KCTD17: variants seen among roughly 807,000 people sequenced by gnomAD.
KCTD17 encodes the protein potassium channel tetramerization domain containing 17, also known as BTB/POZ domain-containing protein KCTD17.
KCTD17 carries 20 observed loss-of-function variants against 41.5 expected under a neutral mutation model. The observed-to-expected ratio is 0.48, with a 90% CI of 0.34 to 0.70. The LOEUF (loss-of-function observed/expected upper bound fraction) is 0.70. Ranked by LOEUF, KCTD17 falls within the 30% of genes least tolerant of loss-of-function variation. The pLI is 0.01. For synonymous variants in KCTD17, 156 were observed against 173.8 expected, an observed-to-expected ratio of 0.90 and a Z score of 0.80; for missense variants, 317 against 427.2, an observed-to-expected ratio of 0.74 and a Z score of 2.27.
rs1924677580 is a variant in KCTD17 at position 37,053,050 on chromosome 22, C to T, written c.190-50C>T. On this transcript the variant is annotated intron_variant, in intron 1 of 8. Transcript: ENST00000403888. This position sits in a 1 kb window ranked among gnomAD's most constrained non-coding sequence, Gnocchi z 4.1. ...CCTCCCTGTGCGTGTGCGGGGTTGG[C>T]TGGGGAGAAGCCTCACTCTTCTCTC... 1 of 1,427,638 alleles carries T rather than the reference C, an allele frequency of 7.0e-7. No individual in the cohort carries two copies. The highest frequency in any genetic ancestry group is 1.2e-5 in the South Asian group (1 of 81,562). 88.4% of individuals were successfully genotyped at this position (1,427,638 alleles called of 1,614,324 possible).
At chr22:37,055,181 C>T (rs1343276912) in intron 2 of KCTD17, 1 of 152,342 alleles carries the variant, frequency 6.6e-6, no homozygotes, top group Non-Finnish European at 1.5e-5. Flanking sequence ...TCCGGTCCTC[C>T]TCTATCGGGG....
At chr22:37,056,494 A>G in intron 3 of KCTD17, 83 bp downstream of exon 3, 1 of 1,149,058 alleles carries the variant, frequency 8.7e-7, no homozygotes, top group Non-Finnish European at 1.3e-6. Flanking sequence ...GAAGCAGAGG[A>G]GGTTGGGAGA....
chr22:37,052,767 G>C (rs1924647948), intron 1 of KCTD17: 1 of 433,332 alleles, frequency 2.3e-6, no homozygotes, highest in African/African-American at 2.0e-5. Flanking sequence ...GGCTTCAGGG[G>C]ACAGCCTCTC....
intron 5 of KCTD17, among the ~76,000 whole-genome samples, chr22:37,059,961 C>T (rs1024674960): frequency 6.6e-6 from 1 of 152,238 alleles, no homozygotes; most frequent in Non-Finnish European, 1.5e-5. Flanking sequence ...TGCCCCTTTC[C>T]CAGGCCCCCT....
chr22:37,053,177 G>A lies in KCTD17; in HGVS notation c.267G>A (p.Lys89=), dbSNP rs1924696845. 1.9e-6 allele frequency: 3 copies of A among 1,605,962 alleles called. No homozygotes were observed. Among genetic ancestry groups the A allele is most frequent in the South Asian group, 1.1e-5 (1 of 88,980 alleles). The change falls in exon 2 of 9, where the codon AAG becomes AAA. Residue 89 remains lysine (K), a synonymous_variant. Coordinates refer to ENST00000403888, the MANE Select transcript of KCTD17 (RefSeq NM_001282684.2). This position sits in a 1 kb window ranked among gnomAD's most constrained non-coding sequence, Gnocchi z 4.1. ...GPILNFLRHG[K]LVLDKDMAEE... Reference sequence around the variant, plus strand: ...TCCTGAACTTCCTCCGGCATGGCAAGCTGGTGCTGGACAAGGACATGGCTG... The same window carrying A: ...TCCTGAACTTCCTCCGGCATGGCAAACTGGTGCTGGACAAGGACATGGCTG...
intron 5 of KCTD17, 100 bp from the exon 6 acceptor site, chr22:37,060,723 A>G (rs1925676268): frequency 7.1e-7 from 1 of 1,411,268 alleles, no homozygotes; most frequent in African/African-American, 1.5e-5. Context: ...GGTCCCTTTC[A>G]CCTTGCCTGA....
chr22:37,060,700 T>C (rs865995763), intron 5 of KCTD17, 123 bp from the exon 6 acceptor site: 9 of 1,357,248 alleles, frequency 6.6e-6, no homozygotes. Context: ...GCTGGAGCCC[T>C]CCCCTCTCCT....
intron 5 of KCTD17, 33 bp downstream of exon 5, chr22:37,059,471 A>C: frequency 6.3e-7 from 1 of 1,586,114 alleles, no homozygotes; most frequent in Non-Finnish European, 8.6e-7. Flanking sequence ...GTGTCCGGAG[A>C]AGTCTCCTGT....
chr22:37,062,753 C>T lies in KCTD17; in HGVS notation c.*159C>T, dbSNP rs1230274507. 2.1e-6 allele frequency: 3 copies of T among 1,435,684 alleles called. No homozygotes were observed. Among genetic ancestry groups the T allele is most frequent in the Admixed American group, 2.7e-5 (1 of 36,906 alleles). 88.9% of individuals were successfully genotyped at this position (1,435,684 alleles called of 1,614,324 possible). On this transcript the variant is annotated 3_prime_UTR_variant, in exon 9 of 9. Coordinates refer to ENST00000403888, the MANE Select transcript of KCTD17 (RefSeq NM_001282684.2). Reference sequence around the variant, plus strand: ...GGGACCTCTTAAGGCCCAAGGTGGGCCCCAGGACCTCTGGGCAGAGTGGAC... The same window carrying T: ...GGGACCTCTTAAGGCCCAAGGTGGGTCCCAGGACCTCTGGGCAGAGTGGAC...
intron 1 of KCTD17, chr22:37,052,191 C>T: frequency 2.0e-6 from 1 of 494,930 alleles, no homozygotes; most frequent in Non-Finnish European, 3.5e-6. Flanking sequence ...TCCAGCCGCC[C>T]CGGATCGGGG....
intron 3 of KCTD17, among the ~76,000 whole-genome samples, chr22:37,057,057 A>T (rs1925209992): frequency 6.6e-6 from 1 of 152,122 alleles, no homozygotes; most frequent in Non-Finnish European, 1.5e-5. Flanking sequence ...ATGTTCCCTA[A>T]GCCCCACCCA....
rs2094155370 is a variant in KCTD17, at chr22:37,053,357, C to T, written c.298+149C>T. On this transcript the variant is annotated intron_variant, in intron 2 of 8. Coordinates refer to ENST00000403888, the MANE Select transcript of KCTD17 (RefSeq NM_001282684.2). This position sits in a 1 kb window ranked among gnomAD's most constrained non-coding sequence, Gnocchi z 4.1. ...CAGTCGGACGGGGCTGATTCCCAAG[C>T]ATCTGCCTGTGCCGAGCCTGGGGCT... 2 of 663,044 alleles carry T rather than the reference C, an allele frequency of 3.0e-6. No individual in the cohort carries two copies. Among genetic ancestry groups the T allele is most frequent in the Admixed American group, 2.4e-5 (1 of 41,126 alleles). The allele number at this position is 663,044 out of a possible 1,614,324, so 41.1% of individuals were successfully genotyped here.
intron 2 of KCTD17, chr22:37,055,110 C>T (rs77644444): frequency 3.3e-4 from 51 of 152,634 alleles, no homozygotes; most frequent in Admixed American, 8.5e-4. Flanking sequence ...CGCCCCTTCT[C>T]GAGAGCTTGT....
At chr22:37,052,603 G>A (rs759208138) in intron 1 of KCTD17, 7 of 470,796 alleles carry the variant, frequency 1.5e-5, no homozygotes, top group Non-Finnish European at 2.6e-5. Flanking sequence ...TTGGCAAGTC[G>A]CCTCACCTCT....
Position 37,061,437 on chromosome 22 carries a change from T to G in KCTD17, c.785-102T>G. On this transcript the variant is annotated intron_variant, in intron 7 of 8. Coordinates refer to ENST00000403888, the MANE Select transcript of KCTD17 (RefSeq NM_001282684.2). The surrounding 1 kb of genome is among the most constrained non-coding windows in gnomAD (Gnocchi z 6.6). ...GAGGGGCGCAGCTGCACCTCCTCTG[T>G]GCCCACTAACCCTGCCGGGCACCTC... is the stretch of plus-strand genomic sequence containing the variant. 6.7e-7 allele frequency: 1 copy of G among 1,498,728 alleles called. No individual in the cohort carries two copies. The allele number at this position is 1,498,728 out of a possible 1,614,324, so 92.8% of individuals were successfully genotyped here. A position where few individuals can be genotyped will look rare whatever the true frequency, so the allele number is the denominator to read the frequency against.
Position 37,062,960 on chromosome 22 carries a change from G to C in KCTD17, c.*366G>C. 3.7e-6 allele frequency: 1 copy of C among 273,792 alleles called. No homozygotes were observed. Among genetic ancestry groups the C allele is most frequent in the Non-Finnish European group, 7.0e-6 (1 of 143,784 alleles). 17.0% of individuals were successfully genotyped at this position (273,792 alleles called of 1,614,324 possible). On this transcript the variant is annotated 3_prime_UTR_variant, in exon 9 of 9. Transcript: ENST00000403888. ...CCTACCTCACAGGGTTGTTGTGAGG[G>C]TGCACAGAGGAGCAAAGTCCCTGAA...
intron 2 of KCTD17, among the ~76,000 whole-genome samples, chr22:37,055,959 G>A (rs1402508765): frequency 6.6e-6 from 1 of 152,218 alleles, no homozygotes; most frequent in Admixed American, 6.5e-5. Flanking sequence ...ATAAATAGGA[G>A]CACATAATCA....
intron 1 of KCTD17, among the ~76,000 whole-genome samples, chr22:37,052,866 A>C (rs1924658867): frequency 6.6e-6 from 1 of 152,150 alleles, no homozygotes; most frequent in African/African-American, 2.4e-5. Context: ...GATTAGGGGG[A>C]GAGGAGTGAG....
At chr22:37,054,967 T>C (rs1402356244) in intron 2 of KCTD17, 1 of 152,210 alleles carries the variant, frequency 6.6e-6, no homozygotes, top group Non-Finnish European at 1.5e-5. Context: ...TTTATTTCTC[T>C]TGGTCCTAGA....
Sources: allele counts gnomAD v4.1 joint callset (sites outside exome capture counted in the v4.1 genomes callset), GRCh38; gene constraint gnomAD v4.1.1; non-coding constraint Gnocchi (gnomAD v3.1); transcripts MANE v1.5; gene names NCBI Gene and HGNC (gene_info 2026-07-23, HGNC 2026-07-21).